NUP155: variants seen among roughly 807,000 people sequenced by gnomAD.
The protein encoded by NUP155 is nucleoporin 155.
NUP155 carries 71 observed loss-of-function variants against 180.4 expected under a neutral mutation model. The ratio of observed to expected loss-of-function variants is 0.39; its 90% CI spans 0.33 to 0.48. The LOEUF (loss-of-function observed/expected upper bound fraction) is 0.48, where lower values mean the gene tolerates loss of function less well. NUP155 is among the 20% of genes least tolerant of loss of function. NUP155 has a pLI of 0.91. For synonymous variants in NUP155, 582 were observed against 559.5 expected (o/e 1.04, Z -0.57); for missense variants, 1,553 against 1,648.9 (o/e 0.94, Z 1.01).
At chr5:37,323,753 C>T (rs1744402460) in intron 20 of NUP155, among the ~76,000 whole-genome samples, 1 of 151,252 alleles carries the variant, frequency 6.6e-6, no homozygotes, top group African/African-American at 2.4e-5. Flanking sequence ...TAGTGGTTGC[C>T]AGGGACTGGG....
At chr5:37,330,240 C>G in intron 14 of NUP155, 108 bp from the exon 15 acceptor site, 1 of 756,724 alleles carries the variant, frequency 1.3e-6, no homozygotes, top group Non-Finnish European at 2.3e-6. Context: ...AGCAGGCATT[C>G]AATAAATACT....
chr5:37,323,514 T>C (rs951779998), intron 20 of NUP155, among the ~76,000 whole-genome samples: 20 of 152,066 alleles, frequency 1.3e-4, no homozygotes, highest in Admixed American at 2.6e-4. Flanking sequence ...AAAGATTCCA[T>C]GTATATAAAT....
chr5:37,301,604 C>G, intron 29 of NUP155, 54 bp from the exon 30 acceptor site: 2 of 1,084,120 alleles, frequency 1.8e-6, no homozygotes, highest in South Asian at 1.2e-5. Context: ...AATCAACATA[C>G]GTTTGAAAGA....
chr5:37,317,535 A>G (rs1412204266), intron 21 of NUP155, among the ~76,000 whole-genome samples: 1 of 152,054 alleles, frequency 6.6e-6, no homozygotes, highest in Non-Finnish European at 1.5e-5. Context: ...TTTATGGTAT[A>G]TATATATTTC....
chr5:37,304,633 A>T, intron 27 of NUP155, 106 bp downstream of exon 27: 1 of 794,582 alleles, frequency 1.3e-6, no homozygotes, highest in Non-Finnish European at 2.2e-6. Context: ...ATCTAATAGC[A>T]GGCATGGGAT....
chr5:37,305,780 G>A (rs575504448), intron 25 of NUP155, among the ~76,000 whole-genome samples: 8 of 152,170 alleles, frequency 5.3e-5, no homozygotes, highest in African/African-American at 1.7e-4. Context: ...GCAGAGGCAG[G>A]AGGATCGCTT....
At chr5:37,361,778 A>T (rs563122940) in intron 3 of NUP155, among the ~76,000 whole-genome samples, 2 of 152,288 alleles carry the variant, frequency 1.3e-5, no homozygotes, top group South Asian at 2.1e-4. Flanking sequence ...TCTTCAAATA[A>T]TTTTTCTTTA....
chr5:37,325,022 G>A (rs746420620), intron 19 of NUP155, among the ~76,000 whole-genome samples: 22 of 151,990 alleles, frequency 1.4e-4, no homozygotes, highest in Middle Eastern at 3.4e-3. Flanking sequence ...ATGGTGGCGC[G>A]CACCTGTAAT....
intron 1 of NUP155, among the ~76,000 whole-genome samples, chr5:37,370,236 G>A (rs2111779994): frequency 6.6e-6 from 1 of 152,314 alleles, no homozygotes; most frequent in Middle Eastern, 3.4e-3. Flanking sequence ...GCCGGGCTTG[G>A]TGGCAGGCGC....
chr5:37,292,889 T>C lies in NUP155; in HGVS notation c.4027A>G (p.Asn1343Asp). The change falls in exon 34 of 35, where the codon AAT (asparagine) becomes GAT (aspartate). Residue 1343 changes from asparagine (N) to aspartate (D), a missense_variant. By Grantham distance (23) the Asn-to-Asp change is conservative. Transcript: ENST00000231498. ...RYVENPSQVL[N>D]CERRRFTNLC... ...TTAATTCATAAGTACCTTTCACAAT[T>C]TAAAACTTGGCTGGGATTCTCAACA... 1 of 1,603,662 alleles carries C rather than the reference T, an allele frequency of 6.2e-7. No homozygotes were observed.
At chr5:37,352,326 C>A (rs1746517562) in intron 5 of NUP155, among the ~76,000 whole-genome samples, 1 of 151,888 alleles carries the variant, frequency 6.6e-6, no homozygotes. Context: ...CCACTACACT[C>A]CAGCCCGGGC....
At chr5:37,342,503 C>T in intron 10 of NUP155, 46 bp downstream of exon 10, 2 of 1,183,346 alleles carry the variant, frequency 1.7e-6, no homozygotes, top group Non-Finnish European at 2.5e-6. Flanking sequence ...TAAGAATTTT[C>T]AGAAGTTGTA....
intron 32 of NUP155, among the ~76,000 whole-genome samples, chr5:37,295,876 T>G (rs217809): frequency 0.33 from 44,454 of 133,322 alleles, 11,388 homozygotes; most frequent in African/African-American, 0.74. Flanking sequence ...GGAGGGAGGT[T>G]GGGGGGTCAG....
At chr5:37,305,959 A>G (rs1489275590) in intron 25 of NUP155, among the ~76,000 whole-genome samples, 1 of 152,204 alleles carries the variant, frequency 6.6e-6, no homozygotes, top group Admixed American at 6.5e-5. Flanking sequence ...AAGTATATAC[A>G]AGGATTTCAA....
chr5:37,309,437 A>C (rs1743387433), intron 23 of NUP155, 170 bp from the exon 24 acceptor site: 1 of 611,014 alleles, frequency 1.6e-6, no homozygotes, highest in East Asian at 2.9e-5. Context: ...TTTTGACCAA[A>C]GATTCCTAGC....
rs1742721292 is a variant in NUP155, at chr5:37,298,896, A to G, written c.3765T>C (p.Tyr1255=). The change falls in exon 32 of 35, where the codon TAT becomes TAC. Residue 1255 remains tyrosine (Y), a synonymous_variant. Transcript: ENST00000231498. The stretch of plus-strand genomic sequence containing the variant: ...AAGGAAAGAAGCGTGGTGTGCCAGC[A>G]TAAATTTTGCCAAGGAGAACAATCT... ...SLKIVLLGKI[Y]AGTPRFFPLD... The G allele has an allele frequency of 6.2e-7, 1 of 1,611,092 alleles. No homozygotes were observed. The highest frequency in any genetic ancestry group is 8.5e-7 in the Non-Finnish European group (1 of 1,177,240).
intron 11 of NUP155, among the ~76,000 whole-genome samples, chr5:37,339,410 T>C (rs1021722128): frequency 6.6e-6 from 1 of 151,994 alleles, no homozygotes; most frequent in African/African-American, 2.4e-5. Context: ...GTAGGACTGC[T>C]TGAGCCCAGG....
In NUP155 at chr5:37,367,065, A is replaced by T. The variant is rs531091691; in HGVS notation, c.158-2681T>A. On this transcript the variant is annotated intron_variant, in intron 1 of 34. Coordinates refer to ENST00000231498, the MANE Select transcript of NUP155 (RefSeq NM_153485.3). ...TTTTTCTCTTTTTTTTTTTTTCCTG[A>T]GACGGGGTTTCACTCTGTCGCCTTG... Among the ~76,000 whole-genome samples the T allele has an allele frequency of 9.9e-4, 146 of 147,812 alleles. 1 individual carries two copies. Among genetic ancestry groups the T allele is most frequent in the African/African-American group, 3.2e-3 (128 of 39,698 alleles).
At chr5:37,337,570 G>C (rs1221005409) in intron 12 of NUP155, among the ~76,000 whole-genome samples, 1 of 152,066 alleles carries the variant, frequency 6.6e-6, no homozygotes, top group Admixed American at 6.6e-5. Context: ...GTATTTTCTA[G>C]TACATTATGG....
Sources: allele counts gnomAD v4.1 joint callset (sites outside exome capture counted in the v4.1 genomes callset), GRCh38; gene constraint gnomAD v4.1.1; transcripts MANE v1.5; gene names NCBI Gene and HGNC (gene_info 2026-07-23, HGNC 2026-07-21).